Variants in DMXL2 observed in about 807,000 individuals in gnomAD.
The protein encoded by DMXL2 is Dmx like 2.
DMXL2 carries 103 observed loss-of-function variants against 331.1 expected under a neutral mutation model. That is an observed-to-expected ratio of 0.31 (90% CI 0.27 to 0.37). DMXL2 has a LOEUF of 0.37. Ranked by LOEUF, DMXL2 falls within the 10% of genes least tolerant of loss-of-function variation. The pLI is 1.00. For synonymous variants in DMXL2, 1,281 were observed against 1,252.1 expected (o/e 1.02, Z -0.49); for missense variants, 3,171 against 3,642.9 (o/e 0.87, Z 3.33).
At chr15:51,460,730 T>C (rs1351024336) in intron 33 of DMXL2, 2 of 152,194 alleles carry the variant, frequency 1.3e-5, no homozygotes, top group African/African-American at 2.4e-5. Flanking sequence ...CTTACTGGAT[T>C]GGGTAGAGTT....
At chr15:51,478,766 A>C (rs1595948587) in intron 25 of DMXL2, among the ~76,000 whole-genome samples, 1 of 152,172 alleles carries the variant, frequency 6.6e-6, no homozygotes, top group Admixed American at 6.5e-5. Context: ...ATAAACACTT[A>C]ATCTTATCAA....
chr15:51,489,680 A>G (rs559448984), intron 20 of DMXL2, among the ~76,000 whole-genome samples: 1 of 152,014 alleles, frequency 6.6e-6, no homozygotes, highest in East Asian at 1.9e-4. Context: ...AAAGAAAGAA[A>G]GAAAAAGAAA....
In DMXL2 at chr15:51,536,879, T is replaced by C. The variant is rs200909699; in HGVS notation, c.1618-17A>G. 17 of 1,569,540 alleles carry C rather than the reference T, an allele frequency of 1.1e-5. No homozygotes were observed. The highest frequency in any genetic ancestry group is 1.7e-4 in the Middle Eastern group (1 of 5,878). ...AAAAGAAACCTGAAAAACATAATTA[T>C]ATGATTCAGTGCAAATAGTTTACCT... On this transcript the variant is annotated splice_polypyrimidine_tract_variant and intron_variant, in intron 11 of 43. Transcript: ENST00000560891.
At chr15:51,482,509 C>T (rs900832954) in intron 23 of DMXL2, among the ~76,000 whole-genome samples, 1 of 152,038 alleles carries the variant, frequency 6.6e-6, no homozygotes, top group African/African-American at 2.4e-5. Flanking sequence ...TTCCTAATTC[C>T]ATTCATTGCA....
intron 2 of DMXL2, 24 bp downstream of exon 2, chr15:51,576,032 C>T: frequency 6.3e-7 from 1 of 1,581,902 alleles, no homozygotes; most frequent in Non-Finnish European, 8.6e-7. Context: ...AAATGACATT[C>T]AGTAAAGAAA....
intron 6 of DMXL2, among the ~76,000 whole-genome samples, chr15:51,561,559 AG>A (rs1450097366): frequency 1.3e-5 from 2 of 152,216 alleles, no homozygotes; most frequent in Non-Finnish European, 2.9e-5. Context: ...CAGGTCCAGG[AG>A]GACCAGTCCT....
At chr15:51,610,767 CAA>C (rs34526933) in intron 1 of DMXL2, among the ~76,000 whole-genome samples, 1,595 of 132,440 alleles carry the variant, frequency 0.012, 21 homozygotes, top group Admixed American at 0.022. Flanking sequence ...GACTCCATCT[CAA>C]AAAAAAAAAA....
intron 27 of DMXL2, among the ~76,000 whole-genome samples, chr15:51,475,736 T>G (rs561435281): frequency 3.3e-5 from 5 of 152,182 alleles, no homozygotes; most frequent in Non-Finnish European, 7.4e-5. Flanking sequence ...AAAAAAGGTC[T>G]GTAGATTAGA....
At chr15:51,621,217 T>C (rs1036879952) in intron 1 of DMXL2, among the ~76,000 whole-genome samples, 1 of 152,216 alleles carries the variant, frequency 6.6e-6, no homozygotes, top group African/African-American at 2.4e-5. Context: ...CTAGGCCAAG[T>C]GGATTACACT....
chr15:51,586,668 C>T (rs962987887), intron 1 of DMXL2, among the ~76,000 whole-genome samples: 7 of 151,900 alleles, frequency 4.6e-5, no homozygotes, highest in Admixed American at 2.6e-4. Flanking sequence ...GAGAAACAAA[C>T]TTGTGGTCCA....
Position 51,596,163 on chromosome 15 carries a change from A to C in DMXL2, c.88-19982T>G, listed in dbSNP as rs1011677606. Among the ~76,000 whole-genome samples the C allele has an allele frequency of 2.4e-4, 36 of 152,220 alleles. No individual in the cohort carries two copies. The South Asian group carries it at 2.7e-3, about 11-fold the overall frequency. ...ACAGAATGGGAGAAAATTTTCGCAA[A>C]CTACTCATCTGACAAAGGGCTAATA... On this transcript the variant is annotated intron_variant, in intron 1 of 43. Transcript: ENST00000560891.
At chr15:51,554,278 T>C (rs1244127858) in intron 6 of DMXL2, among the ~76,000 whole-genome samples, 1 of 152,208 alleles carries the variant, frequency 6.6e-6, no homozygotes, top group African/African-American at 2.4e-5. Context: ...ATTAATCACT[T>C]ATTAACGTGG....
intron 23 of DMXL2, among the ~76,000 whole-genome samples, chr15:51,482,499 T>G (rs2042089056): frequency 1.3e-5 from 2 of 152,116 alleles, no homozygotes; most frequent in South Asian, 2.1e-4. Context: ...GAAAAAAAAT[T>G]TCCTAATTCC....
chr15:51,516,319 T>C (rs1419637659), intron 14 of DMXL2, among the ~76,000 whole-genome samples: 2 of 152,182 alleles, frequency 1.3e-5, no homozygotes, highest in Non-Finnish European at 2.9e-5. Flanking sequence ...TCCTAGGTAG[T>C]AGCTGGGGAG....
chr15:51,505,307 A>C (rs1375734637), intron 16 of DMXL2, among the ~76,000 whole-genome samples: 1 of 152,226 alleles, frequency 6.6e-6, no homozygotes, highest in African/African-American at 2.4e-5. Flanking sequence ...ATTGTCTGTG[A>C]CCTACTGCTG....
chr15:51,536,570 A>G lies in DMXL2; in HGVS notation c.1910T>C (p.Val637Ala). 6.2e-7 allele frequency: 1 copy of G among 1,614,012 alleles called. No homozygotes were observed. Residue 637 changes from valine to alanine, a missense_variant, in exon 12 of 44, where the codon GTT becomes GCT. Transcript: ENST00000560891. Reference sequence around the variant, plus strand: ...TCTAAATTTGTGAGATACAGTTAGAACAGTGGTAAAGGCAGACTTATCAGC... The same window carrying G: ...TCTAAATTTGTGAGATACAGTTAGAGCAGTGGTAAAGGCAGACTTATCAGC... ...TFADKSAFTT[V>A]LTVSHKFRYC...
At chr15:51,592,523 T>C (rs568982334) in intron 1 of DMXL2, among the ~76,000 whole-genome samples, 1 of 152,104 alleles carries the variant, frequency 6.6e-6, no homozygotes, top group Non-Finnish European at 1.5e-5. Context: ...ACTTCCCCAA[T>C]CCAGCAAGGC....
intron 15 of DMXL2, among the ~76,000 whole-genome samples, chr15:51,511,107 C>T (rs182002053): frequency 1.3e-5 from 2 of 152,282 alleles, no homozygotes; most frequent in East Asian, 1.9e-4. Context: ...AAAACCTAGG[C>T]AATACCATTC....
At chr15:51,503,063 T>C (rs373758807) in intron 16 of DMXL2, 30 bp from the exon 17 acceptor site, 3 of 1,382,682 alleles carry the variant, frequency 2.2e-6, no homozygotes, top group Non-Finnish European at 3.0e-6. Context: ...AATTACAAAA[T>C]GTATGTATAT....
Sources: allele counts gnomAD v4.1 joint callset (sites outside exome capture counted in the v4.1 genomes callset), GRCh38; gene constraint gnomAD v4.1.1; transcripts MANE v1.5; gene names NCBI Gene and HGNC (gene_info 2026-07-23, HGNC 2026-07-21).